VPS13A: variants seen among roughly 807,000 people sequenced by gnomAD.
VPS13A encodes the protein vacuolar protein sorting 13 homolog A.
In VPS13A, 264 loss-of-function variants were observed where a neutral mutation model predicts 390.9. The observed-to-expected ratio is 0.68, with a 90% CI of 0.61 to 0.75. VPS13A has a LOEUF of 0.75. VPS13A is among the 30% of genes least tolerant of loss of function. The pLI is 0.00. For missense variants in VPS13A, 3,409 were observed against 3,733.9 expected, an observed-to-expected ratio of 0.91 and a Z score of 2.27; for synonymous variants, 1,231 against 1,227.1, an observed-to-expected ratio of 1.00 and a Z score of -0.07.
At chr9:77,348,897 A>C (rs1831309298) in intron 52 of VPS13A, among the ~76,000 whole-genome samples, 1 of 152,200 alleles carries the variant, frequency 6.6e-6, no homozygotes, top group African/African-American at 2.4e-5. Context: ...ACAGATTAAA[A>C]TTTGTATGAA....
chr9:77,268,213 GC>G (rs1359748128), intron 23 of VPS13A, among the ~76,000 whole-genome samples: 15 of 152,208 alleles, frequency 9.9e-5, no homozygotes, highest in Admixed American at 9.8e-4. Context: ...AGCTCCTTCA[GC>G]TAGCTTGATG....
At chr9:77,291,565 G>A (rs1827664014) in intron 31 of VPS13A, among the ~76,000 whole-genome samples, 1 of 152,096 alleles carries the variant, frequency 6.6e-6, no homozygotes, top group Non-Finnish European at 1.5e-5. Context: ...TGTACCTTGT[G>A]CTTAGGGTGG....
intron 69 of VPS13A, 91 bp from the exon 70 acceptor site, chr9:77,405,773 T>C: frequency 1.3e-6 from 2 of 1,520,102 alleles, no homozygotes; most frequent in Non-Finnish European, 1.8e-6. Flanking sequence ...GAATATTGCA[T>C]TTGCACTTGC....
intron 68 of VPS13A, among the ~76,000 whole-genome samples, chr9:77,399,576 A>G (rs1469476221): frequency 6.6e-6 from 1 of 152,210 alleles, no homozygotes; most frequent in Admixed American, 6.5e-5. Flanking sequence ...CTTGAATTCT[A>G]TTAGCAGTGG....
intron 19 of VPS13A, among the ~76,000 whole-genome samples, chr9:77,244,367 A>G (rs1824685047): frequency 6.6e-6 from 1 of 152,138 alleles, no homozygotes; most frequent in Non-Finnish European, 1.5e-5. Flanking sequence ...AACCTCTGTG[A>G]GTCATTGAAT....
intron 38 of VPS13A, 115 bp from the exon 39 acceptor site, chr9:77,316,059 A>T: frequency 2.0e-6 from 1 of 508,478 alleles, no homozygotes; most frequent in Non-Finnish European, 2.8e-6. Flanking sequence ...TTCCTTTGGG[A>T]TCTAAGATTC....
chr9:77,376,691 T>G (rs867092306), intron 67 of VPS13A, among the ~76,000 whole-genome samples: 1 of 152,110 alleles, frequency 6.6e-6, no homozygotes, highest in South Asian at 2.1e-4. Flanking sequence ...GACATCCAAA[T>G]GGAGACATCA....
rs752636187 is a variant in VPS13A, at chr9:77,199,936, C to CT, written c.101-3dup. 2.4e-5 allele frequency: 39 copies of CT among 1,592,268 alleles called. No individual in the cohort carries two copies. The highest frequency in any genetic ancestry group is 6.7e-5 in the East Asian group (3 of 44,472). On this transcript the variant is annotated splice_polypyrimidine_tract_variant and intron_variant, in intron 1 of 71. Coordinates refer to ENST00000360280, the MANE Select transcript of VPS13A (RefSeq NM_033305.3). ...TGATTGTTTGAATCTTTTTTTTAAT[C>CT]TTTTTTAGGAGCTGTGGCCCTCAAG...
At chr9:77,384,639 G>T (rs1171330715) in intron 68 of VPS13A, 1 of 1,598,758 alleles carries the variant, frequency 6.3e-7, no homozygotes, top group Non-Finnish European at 8.5e-7. Context: ...TAGTGATGAT[G>T]ATGATGATGA....
At chr9:77,396,564 T>G (rs1418422315) in intron 68 of VPS13A, among the ~76,000 whole-genome samples, 2 of 152,228 alleles carry the variant, frequency 1.3e-5, no homozygotes, top group Admixed American at 1.3e-4. Context: ...AGTTTTGAGG[T>G]AATAAATTTC....
chr9:77,302,364 T>TC lies in VPS13A; in HGVS notation c.3813-547dup, dbSNP rs372602147. ...AATTGTATCGAAAAATACATATTTT[T>TC]CCCCTTTTTTTTTTTTTTTTTTTTT... On this transcript the variant is annotated intron_variant, in intron 33 of 71. Transcript: ENST00000360280. 1.0e-3 allele frequency among the ~76,000 whole-genome samples: 141 copies of TC among 140,270 alleles called. 2 individuals are homozygous for TC. The highest frequency in any genetic ancestry group is 3.6e-3 in the African/African-American group (131 of 36,396). 92.0% of individuals were successfully genotyped at this position (140,270 alleles called of 152,430 possible).
intron 31 of VPS13A, among the ~76,000 whole-genome samples, chr9:77,284,677 A>G (rs962967171): frequency 6.6e-6 from 1 of 151,756 alleles, no homozygotes; most frequent in African/African-American, 2.4e-5. Context: ...CAACCCATTG[A>G]TTTTTTTCTC....
intron 67 of VPS13A, among the ~76,000 whole-genome samples, chr9:77,377,207 T>C (rs939685909): frequency 4.9e-5 from 5 of 102,974 alleles, no homozygotes; most frequent in Admixed American, 1.9e-4. Flanking sequence ...GATGCTGTTT[T>C]TTTTTTTTTT....
At chr9:77,321,065 A>G in intron 42 of VPS13A, 104 bp from the exon 43 acceptor site, 2 of 1,092,952 alleles carry the variant, frequency 1.8e-6, no homozygotes, top group Non-Finnish European at 2.7e-6. Context: ...CTGAAATTAG[A>G]AAAGATAAAA....
At chr9:77,284,551 C>T (rs1827224806) in intron 31 of VPS13A, among the ~76,000 whole-genome samples, 1 of 152,050 alleles carries the variant, frequency 6.6e-6, no homozygotes, top group African/African-American at 2.4e-5. Flanking sequence ...TTTTAAAAAT[C>T]ATAAGTATCA....
intron 22 of VPS13A, among the ~76,000 whole-genome samples, chr9:77,259,667 G>A (rs546288742): frequency 2.0e-5 from 3 of 152,270 alleles, no homozygotes; most frequent in Admixed American, 1.3e-4. Context: ...TCATGAGCAG[G>A]CTATTTGCAC....
intron 65 of VPS13A, 38 bp from the exon 66 acceptor site, chr9:77,370,852 A>C (rs1297995955): frequency 1.2e-6 from 2 of 1,611,932 alleles, no homozygotes; most frequent in South Asian, 2.2e-5. Flanking sequence ...GGCATCATAA[A>C]AAAGTATTGT....
intron 1 of VPS13A, among the ~76,000 whole-genome samples, chr9:77,189,506 T>C (rs1465313956): frequency 6.6e-6 from 1 of 152,180 alleles, no homozygotes; most frequent in Non-Finnish European, 1.5e-5. Context: ...TATTGTAGCC[T>C]TTTAGTATAG....
chr9:77,211,724 C>T (rs984351082), intron 7 of VPS13A: 4 of 152,078 alleles, frequency 2.6e-5, no homozygotes, highest in South Asian at 2.1e-4. Flanking sequence ...CTTTGGTAAC[C>T]GTGATAACAG....
Sources: gnomAD v4.1 joint callset for allele counts (sites outside exome capture counted in the v4.1 genomes callset) on GRCh38, gnomAD v4.1.1 for gene constraint, MANE v1.5 for transcripts, NCBI Gene and HGNC (gene_info 2026-07-23, HGNC 2026-07-21) for gene names.